The following PDGFRL variants were observed in gnomAD, a reference collection of about 807,000 sequenced individuals.
PDGFRL encodes the protein platelet-derived growth factor receptor-like protein.
PDGFRL carries 46 observed loss-of-function variants against 37.2 expected under a neutral mutation model. That is an observed-to-expected ratio of 1.24 (90% CI 0.98 to 1.58). PDGFRL has a LOEUF of 1.58. PDGFRL is among the 40% of genes most tolerant of loss of function. The pLI is 0.00. For synonymous variants in PDGFRL, 251 were observed against 184.3 expected (o/e 1.36, Z -2.93); for missense variants, 692 against 467.6 (o/e 1.48, Z -4.43).
chr8:17,613,233 G>A (rs1268423444), intron 2 of PDGFRL, among the ~76,000 whole-genome samples: 3 of 152,196 alleles, frequency 2.0e-5, no homozygotes, highest in Admixed American at 1.3e-4. Flanking sequence ...GGGATTTTCT[G>A]TTGGGAGGAT....
At chr8:17,585,969 TG>T (rs1197845395) in intron 1 of PDGFRL, among the ~76,000 whole-genome samples, 1 of 152,164 alleles carries the variant, frequency 6.6e-6, no homozygotes, top group Non-Finnish European at 1.5e-5. Context: ...TTCTTTTTTT[TG>T]AGACAGAGTC....
intron 5 of PDGFRL, among the ~76,000 whole-genome samples, chr8:17,642,123 G>C (rs1388573767): frequency 6.6e-6 from 1 of 152,038 alleles, no homozygotes; most frequent in East Asian, 1.9e-4. Flanking sequence ...AGGCACACTG[G>C]CCTAATCATA....
intron 2 of PDGFRL, among the ~76,000 whole-genome samples, chr8:17,619,869 A>C (rs897750343): frequency 1.3e-5 from 2 of 152,178 alleles, no homozygotes; most frequent in Non-Finnish European, 2.9e-5. Flanking sequence ...GGACAATTAC[A>C]TTCTCCAAGA....
chr8:17,591,899 C>G (rs570879846), intron 2 of PDGFRL, among the ~76,000 whole-genome samples: 4 of 152,128 alleles, frequency 2.6e-5, no homozygotes, highest in African/African-American at 9.7e-5. Flanking sequence ...CTAGCAACAT[C>G]GCGATACTGT....
chr8:17,598,720 T>TTATAATTCAAGCTATAATA (rs1408174679), intron 2 of PDGFRL, among the ~76,000 whole-genome samples: 3 of 152,206 alleles, frequency 2.0e-5, no homozygotes, highest in African/African-American at 7.2e-5. Context: ...TCATCTTGAA[T>TTATAATTCAAGCTATAATA]TATAGCTCCT....
chr8:17,593,595 T>C (rs1396677780), intron 2 of PDGFRL, among the ~76,000 whole-genome samples: 2 of 138,504 alleles, frequency 1.4e-5, no homozygotes, highest in Non-Finnish European at 3.1e-5. Flanking sequence ...TGAGACTGTT[T>C]CAAAAAAAAA....
intron 2 of PDGFRL, among the ~76,000 whole-genome samples, chr8:17,593,523 A>G (rs1473318293): frequency 1.3e-5 from 2 of 151,806 alleles, no homozygotes; most frequent in African/African-American, 2.4e-5. Flanking sequence ...ACCTGAGCCC[A>G]GGAAGTCAAC....
chr8:17,612,319 GCTTTT>G (rs553019550), intron 2 of PDGFRL, among the ~76,000 whole-genome samples: 64 of 152,122 alleles, frequency 4.2e-4, no homozygotes, highest in African/African-American at 1.3e-3. Context: ...TTTTATTATA[GCTTTT>G]CTTTTCTTTT....
At chr8:17,609,657 AAAAAAAAAT>A (rs1804364773) in intron 2 of PDGFRL, among the ~76,000 whole-genome samples, 1 of 102,194 alleles carries the variant, frequency 9.8e-6, no homozygotes, top group Non-Finnish European at 2.1e-5. Context: ...AAAAAAAAAA[AAAAAAAAAT>A]AAGAGCCAAA....
intron 3 of PDGFRL, among the ~76,000 whole-genome samples, chr8:17,624,043 T>TTA (rs1220201323): frequency 6.6e-6 from 1 of 152,114 alleles, no homozygotes; most frequent in Non-Finnish European, 1.5e-5. Flanking sequence ...ACCTAATGTG[T>TTA]TATACATCAT....
chr8:17,594,888 C>T (rs1399658803), intron 2 of PDGFRL, among the ~76,000 whole-genome samples: 1 of 152,186 alleles, frequency 6.6e-6, no homozygotes, highest in Non-Finnish European at 1.5e-5. Flanking sequence ...CATTTAGGCT[C>T]CTTCCACCTT....
In PDGFRL at chr8:17,628,650, T is replaced by G. The variant is rs1231885850; in HGVS notation, c.669T>G (p.Ile223Met). Residue 223 changes from isoleucine (I) to methionine (M), a missense_variant, in exon 4 of 6, where the codon ATT becomes ATG. Coordinates refer to ENST00000251630, the MANE Select transcript of PDGFRL (RefSeq NM_001372073.1). ...AKEIPANGTD[I>M]VYDMKRGFVY... The stretch of plus-strand genomic sequence containing the variant: ...AGATCCCAGCCAATGGAACGGACAT[T>G]GTTTATGACATGAAGCGGGGCTTTG... 2 of 1,614,166 alleles carry G rather than the reference T, an allele frequency of 1.2e-6. No homozygotes were observed. The highest frequency in any genetic ancestry group is 1.6e-4 in the Middle Eastern group (1 of 6,062).
intron 2 of PDGFRL, among the ~76,000 whole-genome samples, chr8:17,614,619 C>T (rs1011209532): frequency 6.6e-6 from 1 of 152,154 alleles, no homozygotes; most frequent in Non-Finnish European, 1.5e-5. Context: ...CCCTCTGTTG[C>T]CCAGGCTGGA....
chr8:17,605,311 T>A (rs1804251179), intron 2 of PDGFRL, among the ~76,000 whole-genome samples: 1 of 152,186 alleles, frequency 6.6e-6, no homozygotes, highest in Admixed American at 6.5e-5. Context: ...CCCATTTCAC[T>A]CCAACTGGGG....
intron 2 of PDGFRL, among the ~76,000 whole-genome samples, chr8:17,591,200 G>A (rs535492821): frequency 1.3e-5 from 2 of 152,250 alleles, no homozygotes; most frequent in South Asian, 2.1e-4. Context: ...TTATTTTGAT[G>A]TTCATAAGTC....
chr8:17,611,123 G>A (rs555911154), intron 2 of PDGFRL, among the ~76,000 whole-genome samples: 1 of 152,302 alleles, frequency 6.6e-6, no homozygotes, highest in Non-Finnish European at 1.5e-5. Flanking sequence ...AGTCCCCAGG[G>A]ATTTCATTCC....
At chr8:17,634,383 T>C (rs1804927291) in intron 5 of PDGFRL, among the ~76,000 whole-genome samples, 170 bp downstream of exon 5, 1 of 152,114 alleles carries the variant, frequency 6.6e-6, no homozygotes, top group Non-Finnish European at 1.5e-5. Context: ...TTTTTGAAGA[T>C]GTTTCGGTAT....
intron 2 of PDGFRL, among the ~76,000 whole-genome samples, chr8:17,608,823 C>T (rs1303866305): frequency 3.3e-5 from 5 of 152,112 alleles, no homozygotes; most frequent in African/African-American, 1.2e-4. Context: ...GAGAAGGCAG[C>T]TGTGAGCAGG....
intron 2 of PDGFRL, among the ~76,000 whole-genome samples, chr8:17,599,039 A>T (rs1252094754): frequency 3.9e-5 from 6 of 152,112 alleles, no homozygotes; most frequent in Non-Finnish European, 5.9e-5. Context: ...CTAATACAGA[A>T]CCTATTGTTA....
Sources: allele counts gnomAD v4.1 joint callset (sites outside exome capture counted in the v4.1 genomes callset), GRCh38; gene constraint gnomAD v4.1.1; transcripts MANE v1.5; gene names NCBI Gene and HGNC (gene_info 2026-07-23, HGNC 2026-07-21).